EHD1: variants seen among roughly 807,000 people sequenced by gnomAD.
The protein encoded by EHD1 is EH domain-containing protein 1.
Under a neutral mutation model 39.0 loss-of-function variants are expected in EHD1, and 19 were observed. The ratio of observed to expected loss-of-function variants is 0.49; its 90% confidence interval spans 0.34 to 0.72. The LOEUF is 0.72. Ranked by LOEUF, EHD1 falls within the 30% of genes least tolerant of loss-of-function variation. EHD1 has a pLI of 0.01. For missense variants in EHD1, 542 were observed against 751.5 expected (o/e 0.72, Z 3.26); for synonymous variants, 323 against 331.2 (o/e 0.98, Z 0.27).
rs1466257806 is a variant in EHD1, at chr11:64,853,176, G to C, written c.*1157C>G. The C allele has an allele frequency of 6.6e-6, 1 of 152,310 alleles. No individual in the cohort carries two copies. The highest frequency in any genetic ancestry group is 1.5e-5 in the Non-Finnish European group (1 of 68,074). The allele number at this position is 152,310 out of a possible 1,614,324, so 9.4% of individuals were successfully genotyped here. A position where few individuals can be genotyped will look rare whatever the true frequency, so the allele number is the denominator to read the frequency against. On this transcript the variant is annotated 3_prime_UTR_variant, in exon 5 of 5. Coordinates refer to ENST00000320631, the MANE Select transcript of EHD1 (RefSeq NM_006795.4). Reference sequence around the variant, plus strand: ...AACCTGGGGGCCAGGGGCGTTGTAAGGACATCCAAGTGAGCTGCCCTCCTT... The same window carrying C: ...AACCTGGGGGCCAGGGGCGTTGTAACGACATCCAAGTGAGCTGCCCTCCTT...
At chr11:64,859,060 G>A (rs1049368874) in intron 3 of EHD1, among the ~76,000 whole-genome samples, 2 of 152,222 alleles carry the variant, frequency 1.3e-5, no homozygotes, top group Non-Finnish European at 2.9e-5. Context: ...CTACTCCACT[G>A]GGACAGCCCC....
In EHD1 at chr11:64,878,076, T is replaced by C. The variant is rs1458065227; in HGVS notation, c.389A>G (p.Asn130Ser). 2.0e-6 allele frequency: 3 copies of C among 1,522,956 alleles called. No homozygotes were observed. The highest frequency in any genetic ancestry group is 1.4e-5 in the African/African-American group (1 of 72,350). 94.3% of individuals were successfully genotyped at this position (1,522,956 alleles called of 1,614,324 possible). A position where few individuals can be genotyped will look rare whatever the true frequency, so the allele number is the denominator to read the frequency against. The change falls in exon 1 of 5, where the codon AAC (asparagine) becomes AGC (serine). Residue 130 changes from asparagine (N) to serine (S), a missense_variant. Asn to Ser is a conservative substitution (Grantham distance 46, BLOSUM62 1). Transcript: ENST00000320631. ...GGGTGGGTACCTGTTGAGGAAAGCG[T>C]TGCCAAACGCGTTGAGCTTGCGGAA... ...RPFRKLNAFG[N>S]AFLNRFMCAQ...
At chr11:64,858,449 A>G (rs1943677788) in intron 3 of EHD1, among the ~76,000 whole-genome samples, 2 of 152,054 alleles carry the variant, frequency 1.3e-5, no homozygotes, top group African/African-American at 4.8e-5. Context: ...TTGGCCTCCC[A>G]AAGTGCTGGA....
chr11:64,854,795 CG>C lies in EHD1; in HGVS notation c.1142del (p.Thr381ArgfsTer13). 2.5e-6 allele frequency: 4 copies of C among 1,604,320 alleles called. No homozygotes were observed. Among genetic ancestry groups the C allele is most frequent in the Non-Finnish European group, 3.4e-6 (4 of 1,179,978 alleles). On this transcript the variant is annotated frameshift_variant, in exon 5 of 5. Coordinates refer to ENST00000320631, the MANE Select transcript of EHD1 (RefSeq NM_006795.4). LOFTEE classifies it high-confidence loss of function. ...TGTCGTTGGCCAGCATGTCATCCACCGTGTCCAGCAGCTTGGGCTTCAGCGC... is the reference window on the plus strand; with the variant it reads ...TGTCGTTGGCCAGCATGTCATCCACCTGTCCAGCAGCTTGGGCTTCAGCGC... ...FQALKPKLLD[T>X]VDDMLANDIA...
At position 64,854,031 on chromosome 11, in the gene EHD1, C is replaced by T. The variant is rs913450434; in HGVS notation, c.*302G>A. 14 of 483,640 alleles carry T rather than the reference C, an allele frequency of 2.9e-5. 1 individual carries two copies. Among genetic ancestry groups the T allele is most frequent in the Non-Finnish European group, 4.5e-5 (12 of 268,928 alleles). The allele number at this position is 483,640 out of a possible 1,614,324, so 30.0% of individuals were successfully genotyped here. ...GTCCAGCTCCAGCCACAGCAAAGGC[C>T]GGGGGGCAGAGGCCGTGCACACAGG... On this transcript the variant is annotated 3_prime_UTR_variant, in exon 5 of 5. Transcript: ENST00000320631.
rs1943792613 is a variant in EHD1, at chr11:64,868,484, G to A, written c.502+5937C>T. On this transcript the variant is annotated intron_variant, in intron 2 of 4. Transcript: ENST00000320631. This position sits in a 1 kb window ranked among gnomAD's most constrained non-coding sequence, Gnocchi z 4.2. Reference sequence around the variant, plus strand: ...TGGTGCATCCCTATGATGGGACAAGGACCCCCAACAAAGAGGAGCGGGCCA... The same window carrying A: ...TGGTGCATCCCTATGATGGGACAAGAACCCCCAACAAAGAGGAGCGGGCCA... Among the ~76,000 whole-genome samples the A allele has an allele frequency of 6.6e-6, 1 of 152,218 alleles. No individual in the cohort carries two copies. Among genetic ancestry groups the A allele is most frequent in the Non-Finnish European group, 1.5e-5 (1 of 68,044 alleles).
Position 64,854,560 on chromosome 11 carries a change from C to T in EHD1, c.1378G>A (p.Gly460Ser), listed in dbSNP as rs759813362. ...TTGGCGTTGGCGCCCGTGATCTTGCCGTTGACAGGGGACAGCGTGTAGAAG... is the reference window on the plus strand; with the variant it reads ...TTGGCGTTGGCGCCCGTGATCTTGCTGTTGACAGGGGACAGCGTGTAGAAG... ...EIFYTLSPVN[G>S]KITGANAKKE... Residue 460 changes from glycine (G) to serine (S), a missense_variant, in exon 5 of 5, where the codon GGC becomes AGC. By Grantham distance (56) the Gly-to-Ser change is moderately conservative. Coordinates refer to ENST00000320631, the MANE Select transcript of EHD1 (RefSeq NM_006795.4). 3.7e-6 allele frequency: 6 copies of T among 1,614,030 alleles called. No homozygotes were observed. Among genetic ancestry groups the T allele is most frequent in the South Asian group, 1.1e-5 (1 of 91,092 alleles).
rs934794441 is a variant in EHD1 at position 64,854,280 on chromosome 11, C to G, written c.*53G>C. 22 of 1,536,548 alleles carry G rather than the reference C, an allele frequency of 1.4e-5. No individual in the cohort carries two copies. Among genetic ancestry groups the G allele is most frequent in the Middle Eastern group, 1.7e-4 (1 of 5,746 alleles). On this transcript the variant is annotated 3_prime_UTR_variant, in exon 5 of 5. Coordinates refer to ENST00000320631, the MANE Select transcript of EHD1 (RefSeq NM_006795.4). Reference sequence around the variant, plus strand: ...GAAATGGTGAGGCTTCCCCTCCCCCCGTCTCTGCCTCCCGGCCGGGCGTGC... The same window carrying G: ...GAAATGGTGAGGCTTCCCCTCCCCCGGTCTCTGCCTCCCGGCCGGGCGTGC...
chr11:64,852,144 C>T lies in EHD1; in HGVS notation c.*2189G>A, dbSNP rs1465805344. On this transcript the variant is annotated 3_prime_UTR_variant, in exon 5 of 5. Transcript: ENST00000320631. Reference sequence around the variant, plus strand: ...CTCTACCCATGGCACCTCAAGTCTGCACCCTTTTATGAAGGGTCACTAATC... The same window carrying T: ...CTCTACCCATGGCACCTCAAGTCTGTACCCTTTTATGAAGGGTCACTAATC... 1.3e-5 allele frequency: 2 copies of T among 152,304 alleles called. No individual in the cohort carries two copies. The highest frequency in any genetic ancestry group is 1.9e-4 in the East Asian group (1 of 5,200). The allele number at this position is 152,304 out of a possible 1,614,324, so 9.4% of individuals were successfully genotyped here. A position where few individuals can be genotyped will look rare whatever the true frequency, so the allele number is the denominator to read the frequency against.
At chr11:64,861,463 G>A (rs891771912) in intron 2 of EHD1, among the ~76,000 whole-genome samples, 4 of 152,162 alleles carry the variant, frequency 2.6e-5, no homozygotes, top group African/African-American at 4.8e-5. Context: ...GCCCTGGGAC[G>A]GTAGTGACAA....
At chr11:64,871,454 TAC>T (rs1171463863) in intron 2 of EHD1, among the ~76,000 whole-genome samples, 1 of 152,192 alleles carries the variant, frequency 6.6e-6, no homozygotes, top group Non-Finnish European at 1.5e-5. Flanking sequence ...TCCTGGAGTT[TAC>T]ACCCAGCACC....
Position 64,854,312 on chromosome 11 carries a change from C to T in EHD1, c.*21G>A. The T allele has an allele frequency of 3.8e-6, 6 of 1,577,946 alleles. No homozygotes were observed. The highest frequency in any genetic ancestry group is 5.2e-6 in the Non-Finnish European group (6 of 1,162,392). Reference sequence around the variant, plus strand: ...GCCTCCCGGCCGGGCGTGCAAATGGCAGGTGCGGGGCCGGGCGCCATCACT... The same window carrying T: ...GCCTCCCGGCCGGGCGTGCAAATGGTAGGTGCGGGGCCGGGCGCCATCACT... On this transcript the variant is annotated 3_prime_UTR_variant, in exon 5 of 5. Transcript: ENST00000320631.
At chr11:64,874,141 G>A (rs1230271994) in intron 2 of EHD1, among the ~76,000 whole-genome samples, 7 of 150,532 alleles carry the variant, frequency 4.7e-5, no homozygotes, top group African/African-American at 9.8e-5. Context: ...CCATCTCTAC[G>A]AAAAATACAA....
At chr11:64,869,241 C>T (rs544540180) in intron 2 of EHD1, among the ~76,000 whole-genome samples, 2 of 152,380 alleles carry the variant, frequency 1.3e-5, no homozygotes, top group East Asian at 1.9e-4. Flanking sequence ...GCGCCTGGTA[C>T]GCCTCCTCTG....
At chr11:64,878,894 G>T (rs1943923188), upstream of EHD1, 2 of 1,041,600 alleles carry the variant, frequency 1.9e-6, no homozygotes, top group Admixed American at 1.1e-4. Flanking sequence ...GGAAGGCGAG[G>T]AGCGGGCGTT....
At chr11:64,855,596 G>A (rs1172357240) in intron 3 of EHD1, 110 bp from the exon 4 acceptor site, 4 of 1,518,480 alleles carry the variant, frequency 2.6e-6, no homozygotes, top group East Asian at 4.5e-5. Context: ...CAGGAACAGG[G>A]AAGCAGGAGG....
chr11:64,857,312 T>C (rs1943663928), intron 3 of EHD1, among the ~76,000 whole-genome samples: 1 of 152,062 alleles, frequency 6.6e-6, no homozygotes, highest in Non-Finnish European at 1.5e-5. Context: ...CAATCCCAGC[T>C]ACTCAGGAGG....
rs913639525 is a variant in EHD1, at chr11:64,860,333, T to C, written c.506A>G (p.Tyr169Cys). 6 of 1,608,436 alleles carry C rather than the reference T, an allele frequency of 3.7e-6. No individual in the cohort carries two copies. The highest frequency in any genetic ancestry group is 3.3e-5 in the Admixed American group (2 of 59,888). ...CCACTCCAGGACGGCTGCAAAGTCA[T>C]AGCCTGGGGGGAAGAGAAGGGAGAG... ...SGEKQRISRG[Y>C]DFAAVLEWFA... The change falls in exon 3 of 5, where the codon TAT becomes TGT. Residue 169 changes from tyrosine to cysteine, a missense_variant. By Grantham distance (194) the Tyr-to-Cys change is radical. Coordinates refer to ENST00000320631, the MANE Select transcript of EHD1 (RefSeq NM_006795.4).
At chr11:64,870,816 C>T (rs897008357) in intron 2 of EHD1, among the ~76,000 whole-genome samples, 1 of 152,212 alleles carries the variant, frequency 6.6e-6, no homozygotes, top group Non-Finnish European at 1.5e-5. Context: ...ACACAGGCAG[C>T]ACTCAAGAAT....
Sources: allele counts gnomAD v4.1 joint callset (sites outside exome capture counted in the v4.1 genomes callset), GRCh38; gene constraint gnomAD v4.1.1; non-coding constraint Gnocchi (gnomAD v3.1); transcripts MANE v1.5; gene names NCBI Gene and HGNC (gene_info 2026-07-23, HGNC 2026-07-21).